Variants in NLRP14 observed in about 807,000 individuals in gnomAD.
NLRP14 encodes NLR family pyrin domain containing 14, also known as NACHT, LRR and PYD domains-containing protein 14.
In NLRP14, 105 loss-of-function variants were observed where a neutral mutation model predicts 94.7. The ratio of observed to expected loss-of-function variants is 1.11; its 90% CI spans 0.95 to 1.30. The LOEUF (loss-of-function observed/expected upper bound fraction) is 1.30. Ranked by LOEUF, NLRP14 falls within the 50% of genes most tolerant of loss-of-function variation. The pLI is 0.00. For missense variants in NLRP14, 1,362 were observed against 1,254.1 expected, an observed-to-expected ratio of 1.09 and a Z score of -1.30; for synonymous variants, 508 against 459.9, an observed-to-expected ratio of 1.10 and a Z score of -1.34.
At chr11:7,078,462 A>AAAAAAAAAAAAAAAAAAAAAAAAAAAAAG in the NLRP14 span, among the ~76,000 whole-genome samples, 2 of 88,486 alleles carry the variant, frequency 2.3e-5, 1 homozygote, top group Non-Finnish European at 4.0e-5. Context: ...AAAAAAAAAA[A>AAAAAAAAAAAAAAAAAAAAAAAAAAAAAG]CAAAAAAATT....
intron 10 of NLRP14, among the ~76,000 whole-genome samples, chr11:7,067,224 T>C (rs1249809182): frequency 6.6e-6 from 1 of 152,168 alleles, no homozygotes; most frequent in African/African-American, 2.4e-5. Flanking sequence ...AGTAGTTTTT[T>C]CTAATTCTGT....
chr11:7,069,492 C>T (rs1055811450), intron 10 of NLRP14, among the ~76,000 whole-genome samples: 2 of 152,176 alleles, frequency 1.3e-5, no homozygotes, highest in African/African-American at 4.8e-5. Context: ...GGTGGGTTGG[C>T]TAATTTATCT....
the NLRP14 span, chr11:7,090,576 C>A: frequency 4.3e-6 from 2 of 469,384 alleles, no homozygotes; most frequent in Admixed American, 3.6e-5. Context: ...AGTAGAAATT[C>A]GATTAATGGC....
At chr11:7,089,192 C>T in the NLRP14 span, 3 of 1,613,860 alleles carry the variant, frequency 1.9e-6, no homozygotes, top group Admixed American at 1.7e-5. Flanking sequence ...AGAAAGCCCT[C>T]GAAGCCGAGT....
chr11:7,024,721 T>A (rs181194776), intron 1 of NLRP14, among the ~76,000 whole-genome samples: 1 of 152,280 alleles, frequency 6.6e-6, no homozygotes, highest in Admixed American at 6.5e-5. Flanking sequence ...TCTAATAAGC[T>A]TAGAACATTT....
At position 7,049,683 on chromosome 11, in the gene NLRP14, C is replaced by T; in HGVS notation, c.2136C>T (p.Ile712=). 6.2e-7 allele frequency: 1 copy of T among 1,611,832 alleles called. No individual in the cohort carries two copies. The highest frequency in any genetic ancestry group is 8.5e-7 in the Non-Finnish European group (1 of 1,178,014). The part of the protein sequence containing the change: ...CKLQKLLLKF[I]TFPDGCQDIS... The stretch of plus-strand genomic sequence containing the variant: ...TTTTCTTCTGAAGGTTGAAATTTAT[C>T]ACTTTCCCTGATGGTTGTCAGGATA... The change falls in exon 6 of 12, where the codon ATC becomes ATT. Residue 712 remains isoleucine, a synonymous_variant. Transcript: ENST00000299481.
intron 6 of NLRP14, among the ~76,000 whole-genome samples, chr11:7,056,846 C>A (rs905944711): frequency 6.6e-6 from 1 of 151,958 alleles, no homozygotes; most frequent in Non-Finnish European, 1.5e-5. Flanking sequence ...TGGTTTTGGG[C>A]AAGCTGAGCT....
chr11:7,053,997 T>C (rs972835708), intron 6 of NLRP14, among the ~76,000 whole-genome samples: 2 of 152,138 alleles, frequency 1.3e-5, no homozygotes, highest in African/African-American at 4.8e-5. Context: ...ACTCTCTATG[T>C]CCATGAGATA....
chr11:7,086,308 T>C, the NLRP14 span, among the ~76,000 whole-genome samples: 1 of 152,222 alleles, frequency 6.6e-6, no homozygotes, highest in African/African-American at 2.4e-5. Context: ...TGTCCGAGAT[T>C]GAGCTAGTAA....
the NLRP14 span, among the ~76,000 whole-genome samples, chr11:7,086,131 T>C: frequency 6.6e-6 from 1 of 152,232 alleles, no homozygotes; most frequent in African/African-American, 2.4e-5. Flanking sequence ...CTGTTTTTAA[T>C]AGTGGCTGTA....
At position 7,042,872 on chromosome 11, in the gene NLRP14, A is replaced by G. The variant is rs1392997343; in HGVS notation, c.846A>G (p.Glu282=). 1.2e-5 allele frequency: 19 copies of G among 1,614,170 alleles called. No homozygotes were observed. Among genetic ancestry groups the G allele is most frequent in the Non-Finnish European group, 1.5e-5 (18 of 1,180,028 alleles). Residue 282 remains glutamate (E), a synonymous_variant, in exon 4 of 12, where the codon GAA becomes GAG. Transcript: ENST00000299481. ...EFALCEDWTQ[E]HPVSFLMSSL... is the part of the protein sequence containing the mutation. ...CACTGTGCGAAGACTGGACCCAAGAACACCCAGTGTCCTTCCTCATGAGTA... is the reference window on the plus strand; with the variant it reads ...CACTGTGCGAAGACTGGACCCAAGAGCACCCAGTGTCCTTCCTCATGAGTA...
At chr11:7,058,501 A>G in intron 8 of NLRP14, 51 bp downstream of exon 8, 3 of 1,335,288 alleles carry the variant, frequency 2.2e-6, no homozygotes, top group Non-Finnish European at 3.2e-6. Context: ...ATTTTGAAAT[A>G]TGTTTAAAAT....
chr11:7,050,176 G>A (rs10839701), intron 6 of NLRP14, among the ~76,000 whole-genome samples: 86,924 of 152,076 alleles, frequency 0.57, 25,900 homozygotes, highest in East Asian at 0.87. Context: ...TTGAACTCTC[G>A]TAGAAAATAA....
chr11:7,080,511 C>G, the NLRP14 span, among the ~76,000 whole-genome samples: 1 of 152,164 alleles, frequency 6.6e-6, no homozygotes, highest in Non-Finnish European at 1.5e-5. Flanking sequence ...TCCACAATGT[C>G]AGGCTTTTAT....
the NLRP14 span, among the ~76,000 whole-genome samples, chr11:7,085,474 CAGTATT>C: frequency 2.6e-5 from 4 of 152,160 alleles, no homozygotes; most frequent in Non-Finnish European, 1.5e-5. Flanking sequence ...TAAAATCATA[CAGTATT>C]AGTCTTTTTG....
chr11:7,087,017 T>C, the NLRP14 span, among the ~76,000 whole-genome samples: 884 of 134,606 alleles, frequency 6.6e-3, 4 homozygotes, highest in African/African-American at 0.022. Context: ...ACCAAACAGT[T>C]CCACAGACAG....
downstream of NLRP14, among the ~76,000 whole-genome samples, chr11:7,071,783 C>T (rs1013018269): frequency 6.6e-6 from 1 of 151,686 alleles, no homozygotes; most frequent in African/African-American, 2.4e-5. Context: ...GAACCCCACA[C>T]TAGACTTACC....
chr11:7,082,318 G>A, the NLRP14 span, among the ~76,000 whole-genome samples: 2 of 152,012 alleles, frequency 1.3e-5, no homozygotes, highest in Non-Finnish European at 2.9e-5. Context: ...CAATGCAAGT[G>A]TAAAACAATA....
intron 6 of NLRP14, 84 bp downstream of exon 6, chr11:7,049,922 G>A: frequency 1.7e-6 from 2 of 1,155,190 alleles, no homozygotes; most frequent in Non-Finnish European, 2.6e-6. Context: ...GCCTGGATTT[G>A]CTATTCATAG....
Sources: gnomAD v4.1 joint callset for allele counts (sites outside exome capture counted in the v4.1 genomes callset) on GRCh38, gnomAD v4.1.1 for gene constraint, MANE v1.5 for transcripts, NCBI Gene and HGNC (gene_info 2026-07-23, HGNC 2026-07-21) for gene names.